Variants in FLT1 observed in about 807,000 individuals in gnomAD.
FLT1 encodes fms related receptor tyrosine kinase 1.
Under a neutral mutation model 156.3 loss-of-function variants are expected in FLT1, and 49 were observed. The observed-to-expected ratio is 0.31, with a 90% confidence interval of 0.25 to 0.40. The LOEUF (loss-of-function observed/expected upper bound fraction) is 0.40, where lower values mean the gene tolerates loss of function less well. Among genes scored for constraint, FLT1 ranks in the 10% least tolerant of loss-of-function variants. The pLI, the probability that FLT1 is intolerant of heterozygous loss-of-function variation, is 1.00. For missense variants in FLT1, 1,322 were observed against 1,637.2 expected (o/e 0.81, Z 3.32); for synonymous variants, 594 against 583.8 (o/e 1.02, Z -0.25).
chr13:28,315,335 A>G (rs1871154856), intron 25 of FLT1, among the ~76,000 whole-genome samples: 1 of 152,236 alleles, frequency 6.6e-6, no homozygotes, highest in African/African-American at 2.4e-5. Context: ...CCAGTGGATC[A>G]CTTGAGCTCA....
chr13:28,373,849 C>G (rs1873728789), intron 14 of FLT1, among the ~76,000 whole-genome samples: 1 of 152,160 alleles, frequency 6.6e-6, no homozygotes. Context: ...CCACTAACCC[C>G]TCGATGTCCC....
chr13:28,322,909 A>AT lies in FLT1; in HGVS notation c.2833dup (p.Met945AsnfsTer15). 6.2e-7 allele frequency: 1 copy of AT among 1,613,900 alleles called. No individual in the cohort carries two copies. Among genetic ancestry groups the AT allele is most frequent in the Non-Finnish European group, 8.5e-7 (1 of 1,179,992 alleles). On this transcript the variant is annotated frameshift_variant, in exon 21 of 30. Transcript: ENST00000282397. LOFTEE classifies it high-confidence loss of function. This position sits in a 1 kb window ranked among gnomAD's most constrained non-coding sequence, Gnocchi z 4.3. ...CTTGCCTTGTTCCAGGCCTGGCTCC[A>AT]TTTTTTCTTTCTTAGGCTCCATGTG...
chr13:28,373,555 G>A (rs1280116284), intron 14 of FLT1, among the ~76,000 whole-genome samples: 1 of 152,134 alleles, frequency 6.6e-6, no homozygotes, highest in Non-Finnish European at 1.5e-5. Context: ...ATGCTTGAGG[G>A]GAGGAGAGAT....
At chr13:28,355,368 T>G (rs1348056549) in intron 15 of FLT1, among the ~76,000 whole-genome samples, 1 of 152,180 alleles carries the variant, frequency 6.6e-6, no homozygotes, top group East Asian at 1.9e-4. Context: ...TAAATAAATA[T>G]TTCGTGCTAA....
chr13:28,366,398 G>A (rs144010746), intron 14 of FLT1, among the ~76,000 whole-genome samples: 1 of 152,076 alleles, frequency 6.6e-6, no homozygotes, highest in African/African-American at 2.4e-5. Flanking sequence ...CTCTGCACAC[G>A]TGGTTCCCTT....
chr13:28,310,922 T>C (rs1437218941), intron 27 of FLT1, among the ~76,000 whole-genome samples: 2 of 152,202 alleles, frequency 1.3e-5, no homozygotes, highest in Non-Finnish European at 2.9e-5. Context: ...GGTGGAATTA[T>C]GGAAATCTGA....
intron 10 of FLT1, among the ~76,000 whole-genome samples, chr13:28,412,007 G>C (rs770222278): frequency 5.9e-5 from 9 of 152,060 alleles, no homozygotes; most frequent in Non-Finnish European, 1.3e-4. Context: ...TGTTTGTAAA[G>C]AATATTGAAT....
rs368641672 is a variant in FLT1, at chr13:28,319,541, G to A, written c.3175-7C>T. ...ATTTCAGAGGAAGTCGAGTCTAGAA[G>A]AGGGCAAGGGGGCCTTGAGCAGAAG... On this transcript the variant is annotated splice_polypyrimidine_tract_variant and splice_region_variant and intron_variant, in intron 23 of 29. Transcript: ENST00000282397. 18 of 1,568,122 alleles carry A rather than the reference G, an allele frequency of 1.1e-5. No individual in the cohort carries two copies. Among genetic ancestry groups the A allele is most frequent in the Non-Finnish European group, 1.5e-5 (17 of 1,138,806 alleles).
chr13:28,421,333 A>G (rs1221915891), intron 10 of FLT1, among the ~76,000 whole-genome samples: 3 of 152,180 alleles, frequency 2.0e-5, no homozygotes, highest in Non-Finnish European at 4.4e-5. Context: ...TCAACCTTCC[A>G]TGAGTTGAGA....
intron 10 of FLT1, among the ~76,000 whole-genome samples, chr13:28,420,425 C>T (rs75213945): frequency 0.026 from 3,888 of 152,210 alleles, 159 homozygotes; most frequent in African/African-American, 0.087. Context: ...AGGCTGCATA[C>T]CCAGACACAC....
chr13:28,314,684 A>T (rs1871134317), intron 25 of FLT1, among the ~76,000 whole-genome samples: 1 of 152,220 alleles, frequency 6.6e-6, no homozygotes, highest in African/African-American at 2.4e-5. Context: ...GTCCTCACCC[A>T]GCCCTTCCTA....
intron 25 of FLT1, among the ~76,000 whole-genome samples, chr13:28,317,082 C>T (rs1871241591): frequency 6.6e-6 from 1 of 152,252 alleles, no homozygotes; most frequent in Non-Finnish European, 1.5e-5. Flanking sequence ...CAGGACTGGT[C>T]ACAAGACCAA....
rs568830499 is a variant in FLT1 at position 28,434,576 on chromosome 13, C to T, written c.514-356G>A. Among the ~76,000 whole-genome samples, 20 of 152,334 alleles carry T rather than the reference C, an allele frequency of 1.3e-4. No individual in the cohort carries two copies. In the South Asian group the frequency reaches 4.1e-3, roughly 32 times the overall value. On this transcript the variant is annotated intron_variant, in intron 4 of 29. Coordinates refer to ENST00000282397, the MANE Select transcript of FLT1 (RefSeq NM_002019.4). Reference sequence around the variant, plus strand: ...GAATCTTCATAATAAGCTGGTCAGACACTCAATAGACAAACCAATTAAGAG... The same window carrying T: ...GAATCTTCATAATAAGCTGGTCAGATACTCAATAGACAAACCAATTAAGAG...
intron 7 of FLT1, among the ~76,000 whole-genome samples, chr13:28,430,519 A>T (rs936259724): frequency 6.6e-6 from 1 of 152,156 alleles, no homozygotes; most frequent in African/African-American, 2.4e-5. Flanking sequence ...TGCTCTGTAC[A>T]CCCTAAAACA....
chr13:28,336,672 T>G (rs564452628), intron 17 of FLT1, among the ~76,000 whole-genome samples: 6 of 152,224 alleles, frequency 3.9e-5, no homozygotes, highest in African/African-American at 1.2e-4. Flanking sequence ...CTGTATTGTT[T>G]GCTGTATTAG....
intron 15 of FLT1, among the ~76,000 whole-genome samples, chr13:28,355,994 C>T (rs1872884046): frequency 6.6e-6 from 1 of 152,320 alleles, no homozygotes; most frequent in East Asian, 1.9e-4. Flanking sequence ...AACGTCACTG[C>T]TTCATACCCA....
At chr13:28,385,791 G>T in intron 13 of FLT1, 2 of 1,034,634 alleles carry the variant, frequency 1.9e-6, no homozygotes, top group Non-Finnish European at 2.3e-6. Flanking sequence ...ACATTAAGAT[G>T]CAATACATTA....
chr13:28,395,792 A>G (rs1337719578), intron 12 of FLT1, among the ~76,000 whole-genome samples: 1 of 152,200 alleles, frequency 6.6e-6, no homozygotes, highest in Non-Finnish European at 1.5e-5. Context: ...GAAAGACAGG[A>G]CTTCATTGAT....
chr13:28,318,538 C>T (rs182012985), intron 24 of FLT1, among the ~76,000 whole-genome samples: 380 of 152,280 alleles, frequency 2.5e-3, no homozygotes, highest in Admixed American at 5.4e-3. Context: ...GTGATTACTG[C>T]TGGTAGGAAG....
Sources: allele counts gnomAD v4.1 joint callset (sites outside exome capture counted in the v4.1 genomes callset), GRCh38; gene constraint gnomAD v4.1.1; non-coding constraint Gnocchi (gnomAD v3.1); transcripts MANE v1.5; gene names NCBI Gene and HGNC (gene_info 2026-07-23, HGNC 2026-07-21).